The following ZC3H12B variants were observed in gnomAD, a reference collection of about 807,000 sequenced individuals.
ZC3H12B encodes the protein zinc finger CCCH-type containing 12B, also known as probable ribonuclease ZC3H12B.
In ZC3H12B, 7 loss-of-function variants were observed where a neutral mutation model predicts 43.9. The observed-to-expected ratio is 0.16, with a 90% confidence interval of 0.09 to 0.30. The LOEUF is 0.30. ZC3H12B is among the 10% of genes least tolerant of loss of function. The probability of loss-of-function intolerance (pLI) is 1.00; values close to 1 mark genes in which losing one functional copy is unlikely to be tolerated. For missense variants in ZC3H12B, 475 were observed against 670.2 expected (o/e 0.71, Z 3.22); for synonymous variants, 222 against 241.7 (o/e 0.92, Z 0.76).
intron 3 of ZC3H12B, among the ~76,000 whole-genome samples, chrX:65,401,973 G>C (rs1377156382): frequency 8.9e-6 from 1 of 111,913 alleles, no homozygotes; most frequent in African/African-American, 3.3e-5. Context: ...TCAGATATCA[G>C]CATGACTATA....
chrX:65,233,279 A>G, the ZC3H12B span, among the ~76,000 whole-genome samples: 1 of 111,737 alleles, frequency 8.9e-6, no homozygotes, highest in Admixed American at 9.5e-5. Context: ...ATTTTATCCA[A>G]CAGCTACAGA....
chrX:65,249,009 T>C, the ZC3H12B span, among the ~76,000 whole-genome samples: 5 of 111,350 alleles, frequency 4.5e-5, no homozygotes, highest in Non-Finnish European at 7.6e-5. Context: ...ATCGTGAAGG[T>C]TTTTTACTCA....
chrX:65,472,402 TTG>T, intron 3 of ZC3H12B, among the ~76,000 whole-genome samples: 1 of 108,341 alleles, frequency 9.2e-6, no homozygotes, highest in South Asian at 3.8e-4. Flanking sequence ...TTTTTTTTGT[TTG>T]TTTGTTTGTT....
the ZC3H12B span, among the ~76,000 whole-genome samples, chrX:65,353,420 G>A: frequency 2.7e-5 from 3 of 111,339 alleles, no homozygotes; most frequent in Non-Finnish European, 3.8e-5. Flanking sequence ...AGAGTCAGTC[G>A]CACGTCTCTA....
At chrX:65,057,356 T>G in the ZC3H12B span, among the ~76,000 whole-genome samples, 2 of 111,735 alleles carry the variant, frequency 1.8e-5, no homozygotes, top group Non-Finnish European at 3.8e-5. Context: ...TTAGTTTGGC[T>G]GGATATGAAA....
chrX:65,399,139 C>T (rs756121684), intron 3 of ZC3H12B, among the ~76,000 whole-genome samples: 26 of 112,468 alleles, frequency 2.3e-4, no homozygotes, highest in Non-Finnish European at 4.1e-4. Flanking sequence ...GAGTAATACA[C>T]TATTAAGTGC....
intron 3 of ZC3H12B, among the ~76,000 whole-genome samples, chrX:65,409,291 AAAAT>A (rs1417982891): frequency 1.8e-5 from 2 of 110,947 alleles, no homozygotes; most frequent in Non-Finnish European, 3.8e-5. Context: ...AACTGAAAAA[AAAAT>A]AAAAAAAATA....
chrX:65,283,187 G>A, the ZC3H12B span, among the ~76,000 whole-genome samples: 21 of 111,115 alleles, frequency 1.9e-4, 1 homozygote, highest in African/African-American at 4.9e-4. Flanking sequence ...ATCAATAAAC[G>A]TAATCCATCA....
At chrX:65,204,160 G>T in the ZC3H12B span, among the ~76,000 whole-genome samples, 5 of 106,505 alleles carry the variant, frequency 4.7e-5, no homozygotes, top group African/African-American at 1.6e-4. Flanking sequence ...ACCCTCTTCA[G>T]TGCCTTTTTA....
chrX:65,125,498 TGTAGA>T, the ZC3H12B span, among the ~76,000 whole-genome samples: 2 of 111,738 alleles, frequency 1.8e-5, no homozygotes, highest in South Asian at 3.7e-4. Flanking sequence ...GTCCATTTGT[TGTAGA>T]GTATAGTTTG....
At chrX:65,425,256 C>T (rs1426160742) in intron 3 of ZC3H12B, among the ~76,000 whole-genome samples, 7 of 110,348 alleles carry the variant, frequency 6.3e-5, no homozygotes, top group Non-Finnish European at 9.5e-5. Context: ...TTCATGATTT[C>T]GCTCTCTGCT....
chrX:65,095,835 G>C, the ZC3H12B span, among the ~76,000 whole-genome samples: 1 of 110,894 alleles, frequency 9.0e-6, no homozygotes, highest in Non-Finnish European at 1.9e-5. Context: ...AAAGTTCACA[G>C]TGCAGGGGGC....
the ZC3H12B span, among the ~76,000 whole-genome samples, chrX:65,252,975 G>A: frequency 8.9e-6 from 1 of 111,973 alleles, no homozygotes; most frequent in Non-Finnish European, 1.9e-5. Context: ...TGAACATGTA[G>A]AGCAGCAATA....
chrX:65,293,734 C>A, the ZC3H12B span, among the ~76,000 whole-genome samples: 1 of 110,653 alleles, frequency 9.0e-6, no homozygotes, highest in Non-Finnish European at 1.9e-5. Flanking sequence ...GCAATAGAAT[C>A]AAACAAGTAG....
At chrX:65,170,197 C>T in the ZC3H12B span, among the ~76,000 whole-genome samples, 1 of 111,645 alleles carries the variant, frequency 9.0e-6, no homozygotes. Flanking sequence ...ATGGTTAGTG[C>T]TTTTTTCATG....
At chrX:65,235,352 A>G in the ZC3H12B span, among the ~76,000 whole-genome samples, 1 of 111,969 alleles carries the variant, frequency 8.9e-6, no homozygotes, top group South Asian at 3.7e-4. Context: ...CCTCACCAGC[A>G]TCTGTTGTTT....
the ZC3H12B span, among the ~76,000 whole-genome samples, chrX:65,260,276 A>G: frequency 9.0e-6 from 1 of 110,766 alleles, no homozygotes; most frequent in Non-Finnish European, 1.9e-5. Context: ...GCAAGATGAG[A>G]ACTAAATTAA....
At chrX:65,269,793 C>A in the ZC3H12B span, among the ~76,000 whole-genome samples, 50 of 110,355 alleles carry the variant, frequency 4.5e-4, no homozygotes, top group African/African-American at 1.6e-3. Context: ...AGCCACCATA[C>A]CCACCATAGG....
At chrX:65,116,722 C>T in the ZC3H12B span, among the ~76,000 whole-genome samples, 1 of 109,792 alleles carries the variant, frequency 9.1e-6, no homozygotes, top group African/African-American at 3.3e-5. Flanking sequence ...CCCCTCCCCC[C>T]AAACCACAAC....
Sources: allele counts gnomAD v4.1 joint callset (sites outside exome capture counted in the v4.1 genomes callset), GRCh38; gene constraint gnomAD v4.1.1; transcripts MANE v1.5; gene names NCBI Gene and HGNC (gene_info 2026-07-23, HGNC 2026-07-21).